Variants in SEL1L3 observed in about 807,000 individuals in gnomAD.
SEL1L3 encodes SEL1L family member 3.
In SEL1L3, 76 loss-of-function variants were observed where a neutral mutation model predicts 142.8. The ratio of observed to expected loss-of-function variants is 0.53; its 90% CI spans 0.44 to 0.64. The LOEUF (loss-of-function observed/expected upper bound fraction) is 0.64, where lower values mean the gene tolerates loss of function less well. SEL1L3 is among the 30% of genes least tolerant of loss of function. The pLI is 0.00. For missense variants in SEL1L3, 1,262 were observed against 1,381.7 expected, an observed-to-expected ratio of 0.91 and a Z score of 1.37; for synonymous variants, 504 against 519.6, an observed-to-expected ratio of 0.97 and a Z score of 0.41.
In SEL1L3 at chr4:25,779,247, T is replaced by A. The variant is rs143593069; in HGVS notation, c.2458-44A>T. 6.2e-5 allele frequency: 99 copies of A among 1,607,322 alleles called. No individual in the cohort carries two copies. The African/African-American group carries it at 1.1e-3, about 19-fold the overall frequency. On this transcript the variant is annotated intron_variant, in intron 15 of 23. Coordinates refer to ENST00000399878, the MANE Select transcript of SEL1L3 (RefSeq NM_015187.5). Reference sequence around the variant, plus strand: ...AAACATCGAGTCATCCTAGCTGGGCTGGTTTCGCCAGAGACAAGGTGATGA... The same window carrying A: ...AAACATCGAGTCATCCTAGCTGGGCAGGTTTCGCCAGAGACAAGGTGATGA...
the SEL1L3 span, among the ~76,000 whole-genome samples, chr4:25,735,056 T>TGTACA: frequency 6.6e-6 from 1 of 152,186 alleles, no homozygotes; most frequent in Non-Finnish European, 1.5e-5. Context: ...ATTCAGTTTG[T>TGTACA]GTACAGTTAG....
At chr4:25,808,800 T>C in intron 9 of SEL1L3, among the ~76,000 whole-genome samples, 1 of 152,288 alleles carries the variant, frequency 6.6e-6, no homozygotes. Flanking sequence ...CCATGTGCAG[T>C]GGCGCACGCC....
intron 23 of SEL1L3, among the ~76,000 whole-genome samples, chr4:25,751,068 C>T (rs1041983916): frequency 3.3e-5 from 5 of 152,136 alleles, no homozygotes; most frequent in Middle Eastern, 3.2e-3. Flanking sequence ...CTGTTCTTGC[C>T]TTTAGCTTCC....
intron 1 of SEL1L3, among the ~76,000 whole-genome samples, chr4:25,857,634 T>C: frequency 6.6e-6 from 1 of 152,198 alleles, no homozygotes; most frequent in East Asian, 1.9e-4. Flanking sequence ...GTAAGTAACT[T>C]GCCCAAGGTC....
Position 25,808,491 on chromosome 4 carries a change from C to A in SEL1L3, c.1565-3739G>T, listed in dbSNP as rs762788383. ...AAGGCCCCGGAGCTGGGACCAGCGT[C>A]TGTTCGAGAATTCAGGAGCAGAAAG... On this transcript the variant is annotated intron_variant, in intron 9 of 23. Coordinates refer to ENST00000399878, the MANE Select transcript of SEL1L3 (RefSeq NM_015187.5). Among the ~76,000 whole-genome samples the A allele has an allele frequency of 1.4e-4, 21 of 152,174 alleles. 1 individual carries two copies. Among genetic ancestry groups the A allele is most frequent in the Non-Finnish European group, 2.4e-4 (16 of 68,036 alleles).
At chr4:25,757,008 C>T (rs936154442) in intron 23 of SEL1L3, 3 of 1,140,936 alleles carry the variant, frequency 2.6e-6, no homozygotes, top group Non-Finnish European at 2.2e-6. Flanking sequence ...TGGCCCACGC[C>T]TGTAATCCCA....
intron 6 of SEL1L3, among the ~76,000 whole-genome samples, chr4:25,824,717 C>T (rs1196195841): frequency 6.6e-6 from 1 of 152,042 alleles, no homozygotes; most frequent in African/African-American, 2.4e-5. Flanking sequence ...TCACTTGAGC[C>T]CAAACAGTTA....
chr4:25,732,335 G>A, the SEL1L3 span, among the ~76,000 whole-genome samples: 2 of 152,260 alleles, frequency 1.3e-5, no homozygotes, highest in South Asian at 2.1e-4. Context: ...ATATTGACAA[G>A]TTATTCACTA....
intron 6 of SEL1L3, among the ~76,000 whole-genome samples, chr4:25,823,072 T>C (rs1714871181): frequency 6.6e-6 from 1 of 152,166 alleles, no homozygotes; most frequent in Non-Finnish European, 1.5e-5. Flanking sequence ...TGGGCCAAAG[T>C]GTATACAAGA....
intron 20 of SEL1L3, among the ~76,000 whole-genome samples, chr4:25,760,542 A>G (rs1023388650): frequency 6.6e-6 from 1 of 152,132 alleles, no homozygotes; most frequent in African/African-American, 2.4e-5. Context: ...TCTCTTTGCA[A>G]CCTCACCGGC....
In SEL1L3 at chr4:25,759,028, A is replaced by G; in HGVS notation, c.2996T>C (p.Ile999Thr). 1.2e-6 allele frequency: 2 copies of G among 1,613,850 alleles called. No individual in the cohort carries two copies. The highest frequency in any genetic ancestry group is 1.7e-6 in the Non-Finnish European group (2 of 1,179,810). Residue 999 changes from isoleucine to threonine, a missense_variant, in exon 21 of 24, where the codon ATA (isoleucine) becomes ACA (threonine). Transcript: ENST00000399878. ...GAAATCCAAGATATGGTGTGGGATTATCGTACCTTCCTCGATTAGCAGGGC... is the reference window on the plus strand; with the variant it reads ...GAAATCCAAGATATGGTGTGGGATTGTCGTACCTTCCTCGATTAGCAGGGC... Reference protein sequence around the residue: ...NLALLIEEGTIIPHHILDFLE... With the variant: ...NLALLIEEGTTIPHHILDFLE...
At chr4:25,780,990 T>C (rs1294531516) in intron 15 of SEL1L3, among the ~76,000 whole-genome samples, 1 of 151,414 alleles carries the variant, frequency 6.6e-6, no homozygotes, top group African/African-American at 2.4e-5. Context: ...CACACCTGGA[T>C]AATTTCTGTA....
chr4:25,841,576 T>C (rs995633915), intron 2 of SEL1L3, among the ~76,000 whole-genome samples: 1 of 152,250 alleles, frequency 6.6e-6, no homozygotes, highest in African/African-American at 2.4e-5. Context: ...TCTTCATTAA[T>C]AGCTGTGCAA....
At chr4:25,767,685 A>C in intron 18 of SEL1L3, 55 bp downstream of exon 18, 1 of 1,480,526 alleles carries the variant, frequency 6.8e-7, no homozygotes, top group Non-Finnish European at 9.3e-7. Flanking sequence ...CATAAAACCC[A>C]ATTCATTATC....
chr4:25,780,753 T>C (rs1443933887), intron 15 of SEL1L3, among the ~76,000 whole-genome samples: 1 of 146,596 alleles, frequency 6.8e-6, no homozygotes, highest in East Asian at 1.9e-4. Flanking sequence ...TAAAAAATTA[T>C]ATATAAACTA....
chr4:25,798,091 C>A (rs574140984), intron 11 of SEL1L3, among the ~76,000 whole-genome samples: 1 of 152,058 alleles, frequency 6.6e-6, no homozygotes, highest in Non-Finnish European at 1.5e-5. Context: ...TTTGGTGTTG[C>A]GAGTTTGGTT....
chr4:25,849,743 A>G (rs1716761638), intron 1 of SEL1L3, among the ~76,000 whole-genome samples: 1 of 152,212 alleles, frequency 6.6e-6, no homozygotes, highest in African/African-American at 2.4e-5. Context: ...TCCTCTGAGG[A>G]AAAAAATAAG....
chr4:25,819,043 T>C (rs1714584220), intron 8 of SEL1L3, among the ~76,000 whole-genome samples: 1 of 152,208 alleles, frequency 6.6e-6, no homozygotes, highest in Admixed American at 6.5e-5. Flanking sequence ...CAATTCGCTT[T>C]TGCTGATGGC....
chr4:25,740,694 A>G, the SEL1L3 span, among the ~76,000 whole-genome samples: 2 of 152,200 alleles, frequency 1.3e-5, no homozygotes, highest in African/African-American at 4.8e-5. Flanking sequence ...CTTTACTGCC[A>G]CATTGTTCAC....
Sources: allele counts gnomAD v4.1 joint callset (sites outside exome capture counted in the v4.1 genomes callset), GRCh38; gene constraint gnomAD v4.1.1; transcripts MANE v1.5; gene names NCBI Gene and HGNC (gene_info 2026-07-23, HGNC 2026-07-21).